ZNF385D: variants seen among roughly 807,000 people sequenced by gnomAD.
The protein encoded by ZNF385D is zinc finger protein 659.
In ZNF385D, 15 loss-of-function variants were observed where a neutral mutation model predicts 35.8. The observed-to-expected ratio is 0.42, with a 90% confidence interval of 0.28 to 0.64. The LOEUF is 0.64. Among genes scored for constraint, ZNF385D ranks in the 30% least tolerant of loss-of-function variants. ZNF385D has a pLI of 0.23. For synonymous variants in ZNF385D, 212 were observed against 186.8 expected, an observed-to-expected ratio of 1.13 and a Z score of -1.10; for missense variants, 474 against 494.6, an observed-to-expected ratio of 0.96 and a Z score of 0.39.
intron 2 of ZNF385D, among the ~76,000 whole-genome samples, chr3:22,332,916 T>TC (rs1476433912): frequency 1.3e-5 from 2 of 151,900 alleles, no homozygotes; most frequent in Non-Finnish European, 2.9e-5. Context: ...TTTTTTTTTT[T>TC]CCTGGTGTTT....
rs552731599 is a variant in ZNF385D at position 21,563,978 on chromosome 3, CACCA to C, written c.276+592_276+595del. On this transcript the variant is annotated intron_variant, in intron 3 of 7. Transcript: ENST00000281523. ...ATAACTCCCTGAATAACTTGTGAAC[CACCA>C]GTCAGGTCCACAAATGTTTCCCTCC... 2.0e-3 allele frequency among the ~76,000 whole-genome samples: 306 copies of C among 152,170 alleles called. 2 individuals carry two copies. The highest frequency in any genetic ancestry group is 0.016 in the South Asian group (75 of 4,816).
rs1434280387 is a variant in ZNF385D, at chr3:21,638,956, TAC to T, written c.165+25928_165+25929del. On this transcript the variant is annotated intron_variant, in intron 2 of 7. Transcript: ENST00000281523. ...AACCACAAAGAAATGGAAACTCTGA[TAC>T]AGAGTATAAAAAGCAGTTTTTAAAA... 2.6e-5 allele frequency among the ~76,000 whole-genome samples: 4 copies of T among 152,216 alleles called. No individual in the cohort carries two copies. The East Asian group carries it at 7.7e-4, about 29-fold the overall frequency.
At chr3:22,274,344 G>A (rs532824526) in intron 2 of ZNF385D, among the ~76,000 whole-genome samples, 2 of 151,900 alleles carry the variant, frequency 1.3e-5, no homozygotes, top group Admixed American at 1.3e-4. Context: ...TAACCATGAG[G>A]ACAGTATGAT....
chr3:21,485,431 C>G (rs1421923532), intron 4 of ZNF385D, among the ~76,000 whole-genome samples: 1 of 152,124 alleles, frequency 6.6e-6, no homozygotes, highest in Admixed American at 6.6e-5. Context: ...CTGGTGGTGG[C>G]AAATGCCCAT....
chr3:22,335,590 G>T (rs914261631), intron 2 of ZNF385D, among the ~76,000 whole-genome samples: 1 of 152,040 alleles, frequency 6.6e-6, no homozygotes, highest in Non-Finnish European at 1.5e-5. Context: ...TTTCCATGTT[G>T]TATGTTCTCC....
chr3:22,010,877 G>A (rs902030713), intron 3 of ZNF385D, among the ~76,000 whole-genome samples: 32 of 152,030 alleles, frequency 2.1e-4, no homozygotes, highest in African/African-American at 7.7e-4. Context: ...AATTATGTCT[G>A]CAATTTTTTC....
At chr3:22,183,100 G>A (rs1054005108) in intron 2 of ZNF385D, among the ~76,000 whole-genome samples, 3 of 151,998 alleles carry the variant, frequency 2.0e-5, no homozygotes, top group African/African-American at 7.2e-5. Flanking sequence ...ATTAATTGAA[G>A]GTGGTTTTTA....
intron 3 of ZNF385D, among the ~76,000 whole-genome samples, chr3:21,550,093 G>A (rs1236931147): frequency 4.6e-5 from 7 of 152,218 alleles, no homozygotes; most frequent in Admixed American, 2.6e-4. Context: ...GCTTAAAAAC[G>A]TAATAGATGC....
At chr3:21,877,911 T>C (rs1698068101) in intron 3 of ZNF385D, 1 of 152,064 alleles carries the variant, frequency 6.6e-6, no homozygotes, top group Non-Finnish European at 1.5e-5. Context: ...GTTATCTCTA[T>C]TTTATGTGTT....
chr3:22,285,662 C>A lies in ZNF385D; in HGVS notation c.106+86788G>T, dbSNP rs557496854. Among the ~76,000 whole-genome samples, 16 of 152,178 alleles carry A rather than the reference C, an allele frequency of 1.1e-4. No homozygotes were observed. In the South Asian group the frequency reaches 3.3e-3, roughly 32 times the overall value. On this transcript the variant is annotated intron_variant, in intron 2 of 5. Coordinates refer to the ZNF385D transcript ENST00000494108. The stretch of plus-strand genomic sequence containing the variant: ...TCATCATTTAACATTAGGTATATCT[C>A]CTAATGCTCTCCCTCCCCCCTCTCC...
intron 2 of ZNF385D, among the ~76,000 whole-genome samples, chr3:21,588,488 G>A (rs1314047266): frequency 6.6e-6 from 1 of 151,930 alleles, no homozygotes; most frequent in Non-Finnish European, 1.5e-5. Context: ...AACTATGTCT[G>A]TAAGAATAAT....
intron 2 of ZNF385D, among the ~76,000 whole-genome samples, chr3:22,209,157 C>A (rs925716318): frequency 1.3e-4 from 19 of 151,872 alleles, no homozygotes; most frequent in Non-Finnish European, 2.9e-5. Flanking sequence ...GTGAACAAAA[C>A]ATTGTGATAT....
At chr3:21,584,163 G>A (rs576633995) in intron 2 of ZNF385D, among the ~76,000 whole-genome samples, 132 of 150,742 alleles carry the variant, frequency 8.8e-4, no homozygotes, top group African/African-American at 3.1e-3. Context: ...TACTATAGAC[G>A]GGGTTTCACC....
At chr3:21,859,614 C>G (rs1262320659) in intron 3 of ZNF385D, among the ~76,000 whole-genome samples, 2 of 151,558 alleles carry the variant, frequency 1.3e-5, no homozygotes, top group Middle Eastern at 3.5e-3. Flanking sequence ...GCAGACCTCT[C>G]CTCCCTGTGA....
chr3:21,577,293 C>T (rs1421767581), intron 2 of ZNF385D, among the ~76,000 whole-genome samples: 5 of 152,190 alleles, frequency 3.3e-5, no homozygotes, highest in African/African-American at 1.2e-4. Context: ...TTTCACTAGA[C>T]ATAATGTCCT....
At chr3:21,839,355 C>G (rs1470110250) in intron 3 of ZNF385D, among the ~76,000 whole-genome samples, 1 of 152,070 alleles carries the variant, frequency 6.6e-6, no homozygotes, top group Non-Finnish European at 1.5e-5. Context: ...ACTTCACAGT[C>G]CAAAAGCTCA....
At chr3:22,094,275 A>G (rs1701482701) in intron 3 of ZNF385D, among the ~76,000 whole-genome samples, 1 of 149,338 alleles carries the variant, frequency 6.7e-6, no homozygotes, top group African/African-American at 2.5e-5. Context: ...CAATACATGT[A>G]TTTATCCTTG....
intron 3 of ZNF385D, among the ~76,000 whole-genome samples, chr3:21,845,348 A>C (rs960491056): frequency 1.3e-5 from 2 of 151,998 alleles, no homozygotes; most frequent in African/African-American, 4.8e-5. Context: ...TTGTAGCATA[A>C]ACTCAGGCAT....
rs187774201 is a variant in ZNF385D, at chr3:22,022,273, A to C, written c.325+146544T>G. Among the ~76,000 whole-genome samples, 878 of 152,244 alleles carry C rather than the reference A, an allele frequency of 5.8e-3. 6 individuals are homozygous for C. Among genetic ancestry groups the C allele is most frequent in the Non-Finnish European group, 7.7e-3 (527 of 68,002 alleles). On this transcript the variant is annotated intron_variant, in intron 3 of 5. Coordinates refer to the ZNF385D transcript ENST00000494108. The stretch of plus-strand genomic sequence containing the variant: ...CTTCAAAGGAATGTTAGCTATTATC[A>C]TGTTAACAGTTTTAATTCATAAGTT...
Sources: gnomAD v4.1 joint callset for allele counts (sites outside exome capture counted in the v4.1 genomes callset) on GRCh38, gnomAD v4.1.1 for gene constraint, MANE v1.5 for transcripts, NCBI Gene and HGNC (gene_info 2026-07-23, HGNC 2026-07-21) for gene names.